Variants in PREX2 observed in about 807,000 individuals in gnomAD.
The protein encoded by PREX2 is phosphatidylinositol-3,4,5-trisphosphate dependent Rac exchange factor 2.
In PREX2, 107 loss-of-function variants were observed where a neutral mutation model predicts 203.2. That is an observed-to-expected ratio of 0.53 (90% CI 0.45 to 0.62). The LOEUF (loss-of-function observed/expected upper bound fraction) is 0.62, where lower values mean the gene tolerates loss of function less well. PREX2 is among the 20% of genes least tolerant of loss of function. The probability of loss-of-function intolerance (pLI) is 0.00; values close to 1 mark genes in which losing one functional copy is unlikely to be tolerated. For missense variants in PREX2, 1,777 were observed against 1,955.9 expected, an observed-to-expected ratio of 0.91 and a Z score of 1.72; for synonymous variants, 672 against 663.6, an observed-to-expected ratio of 1.01 and a Z score of -0.19.
At position 68,127,704 on chromosome 8, in the gene PREX2, C is replaced by A. The variant is rs541902278; in HGVS notation, c.3766+285C>A. ...TAGATTTAAACAAAATATTATTAAA[C>A]AGGAGAAAGGGAGTAGGTTTTGCTA... On this transcript the variant is annotated intron_variant, in intron 31 of 39. Coordinates refer to ENST00000288368, the MANE Select transcript of PREX2 (RefSeq NM_024870.4). Among the ~76,000 whole-genome samples, 5 of 151,476 alleles carry A rather than the reference C, an allele frequency of 3.3e-5. No individual in the cohort carries two copies. In the East Asian group the frequency reaches 9.7e-4, roughly 29 times the overall value.
intron 1 of PREX2, 105 bp from the exon 2 acceptor site, chr8:68,017,741 T>G (rs1304583162): frequency 1.3e-5 from 11 of 875,434 alleles, no homozygotes; most frequent in Non-Finnish European, 1.8e-5. Flanking sequence ...ACAAATGGAG[T>G]TTTACACTTT....
chr8:68,206,762 A>G (rs1036870773), intron 37 of PREX2, among the ~76,000 whole-genome samples: 4 of 152,216 alleles, frequency 2.6e-5, no homozygotes, highest in Non-Finnish European at 5.9e-5. Flanking sequence ...GAGCACTGCT[A>G]TGTGTCAAGC....
chr8:68,024,985 A>G (rs1807673085), intron 4 of PREX2, among the ~76,000 whole-genome samples: 1 of 151,974 alleles, frequency 6.6e-6, no homozygotes. Context: ...TGCCATATAT[A>G]TTACATTATA....
intron 35 of PREX2, among the ~76,000 whole-genome samples, chr8:68,176,139 C>T (rs530021960): frequency 5.3e-5 from 8 of 152,236 alleles, no homozygotes; most frequent in African/African-American, 1.9e-4. Flanking sequence ...CTTTGAACTT[C>T]ATGTACTTGA....
intron 31 of PREX2, among the ~76,000 whole-genome samples, chr8:68,131,578 G>A (rs1811009391): frequency 5.4e-5 from 1 of 18,454 alleles, no homozygotes; most frequent in Non-Finnish European, 1.0e-4. Flanking sequence ...AAAAGTTGAC[G>A]TTAATTGCAA....
chr8:68,011,329 A>C (rs575322905), intron 1 of PREX2, among the ~76,000 whole-genome samples: 1 of 152,326 alleles, frequency 6.6e-6, no homozygotes, highest in East Asian at 1.9e-4. Context: ...GTTGTGAGTC[A>C]AAAGGACCTT....
At chr8:68,113,438 G>T (rs929796346) in intron 25 of PREX2, among the ~76,000 whole-genome samples, 10 of 152,184 alleles carry the variant, frequency 6.6e-5, no homozygotes, top group African/African-American at 2.4e-4. Context: ...GATAATTGGA[G>T]TTAGTCTAAT....
intron 33 of PREX2, among the ~76,000 whole-genome samples, chr8:68,141,251 C>A (rs1177022421): frequency 6.6e-6 from 1 of 152,162 alleles, no homozygotes; most frequent in Non-Finnish European, 1.5e-5. Context: ...AATGTAATGA[C>A]AGCAGGTCTT....
At chr8:68,063,335 G>A (rs958671783) in intron 11 of PREX2, among the ~76,000 whole-genome samples, 1 of 152,098 alleles carries the variant, frequency 6.6e-6, no homozygotes, top group Non-Finnish European at 1.5e-5. Flanking sequence ...TTGCAGTCAA[G>A]GGGAGGCTGT....
intron 18 of PREX2, among the ~76,000 whole-genome samples, chr8:68,084,335 A>G (rs1175216654): frequency 1.3e-5 from 2 of 152,180 alleles, no homozygotes; most frequent in African/African-American, 4.8e-5. Context: ...CACTTCAAAA[A>G]TAAGATTTTT....
chr8:68,055,016 T>C (rs1290076223), intron 9 of PREX2, among the ~76,000 whole-genome samples: 1 of 152,232 alleles, frequency 6.6e-6, no homozygotes, highest in Non-Finnish European at 1.5e-5. Flanking sequence ...CTACCCTTAT[T>C]TGCAGTGAGT....
chr8:68,039,135 T>A (rs1808119078), intron 7 of PREX2, among the ~76,000 whole-genome samples: 1 of 152,210 alleles, frequency 6.6e-6, no homozygotes, highest in African/African-American at 2.4e-5. Context: ...CTGTCACCCT[T>A]CATAGCAGAC....
intron 30 of PREX2, among the ~76,000 whole-genome samples, chr8:68,121,961 GT>G (rs1339023462): frequency 6.6e-6 from 1 of 152,140 alleles, no homozygotes; most frequent in African/African-American, 2.4e-5. Context: ...TCAGTCATTT[GT>G]TTGTCAGTTG....
At chr8:68,115,447 C>T (rs1338648674) in intron 25 of PREX2, among the ~76,000 whole-genome samples, 3 of 152,214 alleles carry the variant, frequency 2.0e-5, no homozygotes, top group African/African-American at 7.2e-5. Flanking sequence ...CAGTTATTCT[C>T]ATTATCTCCA....
chr8:68,007,612 C>CT (rs1300657682), intron 1 of PREX2, among the ~76,000 whole-genome samples: 3 of 151,512 alleles, frequency 2.0e-5, no homozygotes, highest in Admixed American at 6.6e-5. Flanking sequence ...GTACCAGTTA[C>CT]TTTTTTTTTA....
At chr8:68,046,459 G>A (rs1461202971) in intron 8 of PREX2, among the ~76,000 whole-genome samples, 2 of 152,058 alleles carry the variant, frequency 1.3e-5, no homozygotes, top group South Asian at 2.1e-4. Flanking sequence ...GATGGTTCTT[G>A]GATTCAATTC....
chr8:67,987,187 CTAA>C lies in PREX2; in HGVS notation c.142-30658_142-30656del, dbSNP rs1563486218. ...AAAAAAAAAAAAAAAAAGAACACCA[CTAA>C]CTAATTTCTGATGTATTTCTTTGCT... On this transcript the variant is annotated intron_variant, in intron 1 of 39. Coordinates refer to ENST00000288368, the MANE Select transcript of PREX2 (RefSeq NM_024870.4). Among the ~76,000 whole-genome samples the C allele has an allele frequency of 1.7e-4, 9 of 54,316 alleles. 1 individual carries two copies. Among genetic ancestry groups the C allele is most frequent in the South Asian group, 1.0e-3 (1 of 988 alleles). The allele number at this position is 54,316 out of a possible 152,430, so 35.6% of individuals were successfully genotyped here. A position where few individuals can be genotyped will look rare whatever the true frequency, so the allele number is the denominator to read the frequency against.
chr8:67,952,394 C>G lies in PREX2; in HGVS notation c.-1C>G. On this transcript the variant is annotated 5_prime_UTR_variant, in exon 1 of 40. Coordinates refer to ENST00000288368, the MANE Select transcript of PREX2 (RefSeq NM_024870.4). ...CGCCGCGCTGCGCACCGCCGCCGAC[C>G]ATGAGCGAGGACAGCCGCGGAGACA... 1.3e-6 allele frequency: 2 copies of G among 1,543,702 alleles called. No individual in the cohort carries two copies. Among genetic ancestry groups the G allele is most frequent in the Non-Finnish European group, 1.7e-6 (2 of 1,146,098 alleles).
chr8:67,991,848 C>T (rs1011104395), intron 1 of PREX2, among the ~76,000 whole-genome samples: 7 of 152,118 alleles, frequency 4.6e-5, no homozygotes, highest in African/African-American at 1.7e-4. Context: ...AATGTGGGCC[C>T]AGTACAGTCA....
Sources: gnomAD v4.1 joint callset for allele counts (sites outside exome capture counted in the v4.1 genomes callset) on GRCh38, gnomAD v4.1.1 for gene constraint, MANE v1.5 for transcripts, NCBI Gene and HGNC (gene_info 2026-07-23, HGNC 2026-07-21) for gene names.